Variants in MBTPS1 observed in about 807,000 individuals in gnomAD.
The protein encoded by MBTPS1 is membrane-bound transcription factor site-1 protease.
Under a neutral mutation model 127.8 loss-of-function variants are expected in MBTPS1, and 94 were observed. The ratio of observed to expected loss-of-function variants is 0.74; its 90% CI spans 0.62 to 0.87. The LOEUF is 0.87. Ranked by LOEUF, MBTPS1 falls within the 40% of genes least tolerant of loss-of-function variation. The pLI is 0.00. For synonymous variants in MBTPS1, 632 were observed against 509.4 expected, an observed-to-expected ratio of 1.24 and a Z score of -3.24; for missense variants, 1,636 against 1,353.2, an observed-to-expected ratio of 1.21 and a Z score of -3.28.
chr16:84,106,723 C>T (rs1450103157), intron 1 of MBTPS1, among the ~76,000 whole-genome samples: 1 of 152,152 alleles, frequency 6.6e-6, no homozygotes, highest in Non-Finnish European at 1.5e-5. Context: ...GCTCTGGCTT[C>T]GGTGTGGAAG....
In MBTPS1 at chr16:84,070,772, T is replaced by A; in HGVS notation, c.1598A>T (p.Asp533Val). ...GVTGRIVDKP[D>V]WQPYLPQNGD... ...GTTCTGTGGCAAATAGGGCTGCCAG[T>A]CAGGCTGCAGGAAAAAGAAATCAGA... The change falls in exon 13 of 23, where the codon GAC becomes GTC. Residue 533 changes from aspartate (D) to valine (V), a missense_variant. Coordinates refer to ENST00000343411, the MANE Select transcript of MBTPS1 (RefSeq NM_003791.4). The A allele has an allele frequency of 1.2e-6, 2 of 1,603,838 alleles. No individual in the cohort carries two copies. Among genetic ancestry groups the A allele is most frequent in the Non-Finnish European group, 1.7e-6 (2 of 1,174,634 alleles).
In MBTPS1 at chr16:84,074,242, T is replaced by C. The variant is rs2085817351; in HGVS notation, c.1593+355A>G. 1.3e-5 allele frequency among the ~76,000 whole-genome samples: 2 copies of C among 152,040 alleles called. 1 individual carries two copies. The highest frequency in any genetic ancestry group is 4.1e-4 in the South Asian group (2 of 4,824). On this transcript the variant is annotated intron_variant, in intron 12 of 22. Transcript: ENST00000343411. Reference sequence around the variant, plus strand: ...ACCCTAGACAGGGCTATTTCCTTTTTTTTTTTTTCCCAGACAAGGTCTTGC... The same window carrying C: ...ACCCTAGACAGGGCTATTTCCTTTTCTTTTTTTTCCCAGACAAGGTCTTGC...
chr16:84,103,254 T>C (rs2151170081), intron 1 of MBTPS1, among the ~76,000 whole-genome samples: 1 of 147,048 alleles, frequency 6.8e-6, no homozygotes, highest in South Asian at 2.1e-4. Flanking sequence ...ATTATTATTA[T>C]TATTTTTTTT....
At chr16:84,103,105 G>A (rs2086279356) in intron 1 of MBTPS1, among the ~76,000 whole-genome samples, 1 of 152,142 alleles carries the variant, frequency 6.6e-6, no homozygotes, top group Non-Finnish European at 1.5e-5. Context: ...TGAAAACAGA[G>A]CGATAGTAAA....
intron 12 of MBTPS1, among the ~76,000 whole-genome samples, chr16:84,071,482 G>A (rs530164768): frequency 3.3e-5 from 5 of 152,322 alleles, no homozygotes; most frequent in South Asian, 2.1e-4. Context: ...TGTAGGATAC[G>A]GTGTCCCAAA....
In MBTPS1 at chr16:84,065,698, T is replaced by C. The variant is rs2085671895; in HGVS notation, c.2423A>G (p.Lys808Arg). 5 of 1,612,732 alleles carry C rather than the reference T, an allele frequency of 3.1e-6. No individual in the cohort carries two copies. Among genetic ancestry groups the C allele is most frequent in the Non-Finnish European group, 3.4e-6 (4 of 1,179,058 alleles). Reference sequence around the variant, plus strand: ...TGAATGGCATCCTTTACCTTGGTCCTTGAAAGTCTGTGTTATCACGACGCC... The same window carrying C: ...TGAATGGCATCCTTTACCTTGGTCCCTGAAAGTCTGTGTTATCACGACGCC... ...EDGVVITQTF[K>R]DQGLEVLKQE... The change falls in exon 18 of 23, where the codon AAG (lysine) becomes AGG (arginine). Residue 808 changes from lysine (K) to arginine (R), a missense_variant. Coordinates refer to ENST00000343411, the MANE Select transcript of MBTPS1 (RefSeq NM_003791.4).
rs1306054068 is a variant in MBTPS1 at position 84,101,926 on chromosome 16, G to C, written c.-143C>G. 12 of 730,994 alleles carry C rather than the reference G, an allele frequency of 1.6e-5. No homozygotes were observed. The highest frequency in any genetic ancestry group is 2.3e-5 in the Non-Finnish European group (10 of 441,978). 45.3% of individuals were successfully genotyped at this position (730,994 alleles called of 1,614,324 possible). On this transcript the variant is annotated 5_prime_UTR_variant, in exon 2 of 23. Coordinates refer to ENST00000343411, the MANE Select transcript of MBTPS1 (RefSeq NM_003791.4). ...ACAGTCTTGCCCAACATAAATAAAA[G>C]TTAAATCCCATGGCCTTTTGTGGTT...
At chr16:84,101,420 G>C (rs142407347) in intron 2 of MBTPS1, among the ~76,000 whole-genome samples, 2 of 151,930 alleles carry the variant, frequency 1.3e-5, no homozygotes, top group African/African-American at 4.8e-5. Flanking sequence ...GAATCCAGGA[G>C]GTGGAGGTTA....
rs370380325 is a variant in MBTPS1 at position 84,063,399 on chromosome 16, G to A, written c.2478C>T (p.Pro826=). Residue 826 remains proline (P), a synonymous_variant, in exon 19 of 23, where the codon CCC becomes CCT. Coordinates refer to ENST00000343411, the MANE Select transcript of MBTPS1 (RefSeq NM_003791.4). ...CTGGAATCTGATAAAGTCCCAAAAT[G>A]GGGACGTTTTCAACAACTGCTGTTT... The part of the protein sequence containing the change: ...KQETAVVENV[P]ILGLYQIPAE... 6.2e-6 allele frequency: 10 copies of A among 1,613,944 alleles called. No homozygotes were observed. In the African/African-American group the frequency reaches 1.2e-4, roughly 19 times the overall value.
Position 84,102,006 on chromosome 16 carries a change from A to G in MBTPS1, c.-223T>C. The G allele has an allele frequency of 1.9e-6, 1 of 519,368 alleles. No individual in the cohort carries two copies. Among genetic ancestry groups the G allele is most frequent in the Non-Finnish European group, 3.4e-6 (1 of 290,334 alleles). The allele number at this position is 519,368 out of a possible 1,614,324, so 32.2% of individuals were successfully genotyped here. ...TCCGCTTCTTCTCCATCTTGGAAAT[A>G]AGGCTTCTCTCACTCAGGCCGTGAC... is the stretch of plus-strand genomic sequence containing the variant. On this transcript the variant is annotated 5_prime_UTR_variant, in exon 2 of 23. Coordinates refer to ENST00000343411, the MANE Select transcript of MBTPS1 (RefSeq NM_003791.4).
intron 6 of MBTPS1, among the ~76,000 whole-genome samples, chr16:84,092,962 G>A (rs1023027118): frequency 2.6e-5 from 4 of 152,146 alleles, no homozygotes; most frequent in East Asian, 1.9e-4. Flanking sequence ...TAGTAGCCTC[G>A]GCAGGGTCTT....
intron 16 of MBTPS1, 71 bp from the exon 17 acceptor site, chr16:84,066,684 G>A: frequency 1.4e-6 from 2 of 1,432,368 alleles, no homozygotes; most frequent in Non-Finnish European, 1.9e-6. Context: ...TTTAGTCTCT[G>A]TGACAAAACT....
At chr16:84,058,912 C>CG (rs1283970342) in intron 21 of MBTPS1, among the ~76,000 whole-genome samples, 1 of 152,074 alleles carries the variant, frequency 6.6e-6, no homozygotes, top group Non-Finnish European at 1.5e-5. Context: ...CCGCGGCCCC[C>CG]GGGGATGACA....
chr16:84,074,030 C>A (rs1020383511), intron 12 of MBTPS1, among the ~76,000 whole-genome samples: 1 of 151,826 alleles, frequency 6.6e-6, no homozygotes, highest in Non-Finnish European at 1.5e-5. Flanking sequence ...GAATGAAATA[C>A]TACAACTGGG....
intron 19 of MBTPS1, 89 bp downstream of exon 19, chr16:84,063,216 T>G: frequency 1.4e-6 from 2 of 1,383,360 alleles, no homozygotes. Flanking sequence ...TCGGCTGATC[T>G]GCCAGCATCT....
At chr16:84,077,218 C>T (rs904980880) in intron 11 of MBTPS1, among the ~76,000 whole-genome samples, 21 of 134,818 alleles carry the variant, frequency 1.6e-4, no homozygotes, top group Non-Finnish European at 2.5e-4. Context: ...GAGCAAGACC[C>T]TGCTGCATTA....
intron 1 of MBTPS1, among the ~76,000 whole-genome samples, chr16:84,111,948 C>T (rs1228551811): frequency 6.6e-6 from 1 of 151,524 alleles, no homozygotes; most frequent in Non-Finnish European, 1.5e-5. Flanking sequence ...TTCCTGTAAT[C>T]CCAGCACTTT....
intron 22 of MBTPS1, 149 bp from the exon 23 acceptor site, chr16:84,054,794 C>T (rs2085495861): frequency 6.8e-6 from 4 of 585,544 alleles, no homozygotes; most frequent in Non-Finnish European, 1.1e-5. Context: ...TAAGCCTTAG[C>T]TAAAGTAACC....
rs142585275 is a variant in MBTPS1 at position 84,071,236 on chromosome 16, G to A, written c.1594-460C>T. On this transcript the variant is annotated intron_variant, in intron 12 of 22. Transcript: ENST00000343411. ...ATTCTGAAGCTGGAAAGAGGTGGCC[G>A]GAGGGAGGACTGGCTCAGCTGCGAG... Among the ~76,000 whole-genome samples the A allele has an allele frequency of 8.6e-3, 1,317 of 152,328 alleles. 18 individuals are homozygous for A. The highest frequency in any genetic ancestry group is 0.03 in the African/African-American group (1,265 of 41,564).
Sources: gnomAD v4.1 joint callset for allele counts (sites outside exome capture counted in the v4.1 genomes callset) on GRCh38, gnomAD v4.1.1 for gene constraint, MANE v1.5 for transcripts, NCBI Gene and HGNC (gene_info 2026-07-23, HGNC 2026-07-21) for gene names.